The following MRPS5 variants were observed in gnomAD, a reference collection of about 807,000 sequenced individuals.
MRPS5 encodes the protein small ribosomal subunit protein uS5m.
In MRPS5, 27 loss-of-function variants were observed where a neutral mutation model predicts 51.9. The ratio of observed to expected loss-of-function variants is 0.52; its 90% CI spans 0.38 to 0.72. The LOEUF (loss-of-function observed/expected upper bound fraction) is 0.72, where lower values mean the gene tolerates loss of function less well. MRPS5 is among the 30% of genes least tolerant of loss of function. MRPS5 has a pLI of 0.00. For synonymous variants in MRPS5, 196 were observed against 193.2 expected, an observed-to-expected ratio of 1.01 and a Z score of -0.12; for missense variants, 570 against 545.7, an observed-to-expected ratio of 1.04 and a Z score of -0.44.
intron 5 of MRPS5, chr2:95,106,792 A>G (rs929707084): frequency 5.5e-6 from 2 of 363,958 alleles, no homozygotes; most frequent in Admixed American, 4.1e-5. Flanking sequence ...ACCACAGTCC[A>G]TCATTTCCAC....
intron 8 of MRPS5, 88 bp from the exon 9 acceptor site, chr2:95,100,982 T>C: frequency 8.5e-7 from 1 of 1,172,908 alleles, no homozygotes; most frequent in Middle Eastern, 2.2e-4. Flanking sequence ...AAATGTTTCA[T>C]TATCAAAAAT....
In MRPS5 at chr2:95,087,336, G is replaced by A. The variant is rs1675321097; in HGVS notation, c.*21C>T. The A allele has an allele frequency of 2.5e-6, 4 of 1,594,750 alleles. No homozygotes were observed. The highest frequency in any genetic ancestry group is 1.7e-5 in the Admixed American group (1 of 59,956). On this transcript the variant is annotated 3_prime_UTR_variant, in exon 12 of 12. Coordinates refer to ENST00000272418, the MANE Select transcript of MRPS5 (RefSeq NM_031902.5). The stretch of plus-strand genomic sequence containing the variant: ...CTAGGTGCAGGGCAGCACAGGAACT[G>A]GCTGCACAAGGCCAGAGAGGTTACG...
chr2:95,114,219 T>C (rs1287551227), intron 3 of MRPS5, among the ~76,000 whole-genome samples: 1 of 151,908 alleles, frequency 6.6e-6, no homozygotes, highest in African/African-American at 2.4e-5. Flanking sequence ...TTACCAAATA[T>C]TCTAAACTAA....
At chr2:95,116,355 G>C (rs1389503714) in intron 2 of MRPS5, among the ~76,000 whole-genome samples, 2 of 151,880 alleles carry the variant, frequency 1.3e-5, no homozygotes, top group African/African-American at 4.8e-5. Context: ...TTTAAAAAGT[G>C]TAAAATCATT....
intron 7 of MRPS5, 76 bp from the exon 8 acceptor site, chr2:95,101,799 T>A: frequency 1.0e-6 from 1 of 956,116 alleles, no homozygotes. Flanking sequence ...TTCAAGTTTC[T>A]GCTCCTACAA....
intron 7 of MRPS5, 53 bp from the exon 8 acceptor site, chr2:95,101,776 G>T: frequency 7.5e-7 from 1 of 1,329,010 alleles, no homozygotes; most frequent in Non-Finnish European, 1.0e-6. Context: ...TGCCCATGTG[G>T]TTTTTGCCAC....
At chr2:95,117,182 G>C (rs1345827520) in intron 2 of MRPS5, among the ~76,000 whole-genome samples, 2 of 150,686 alleles carry the variant, frequency 1.3e-5, no homozygotes, top group Non-Finnish European at 2.9e-5. Flanking sequence ...CTGACCTCAA[G>C]GAGGGTTTTG....
At chr2:95,089,985 G>A (rs923664939) in intron 11 of MRPS5, among the ~76,000 whole-genome samples, 5 of 151,414 alleles carry the variant, frequency 3.3e-5, no homozygotes, top group East Asian at 1.9e-4. Context: ...AGACCATCCC[G>A]GCTAAAACGG....
At chr2:95,113,224 C>T (rs1438444837) in intron 3 of MRPS5, among the ~76,000 whole-genome samples, 1 of 151,982 alleles carries the variant, frequency 6.6e-6, no homozygotes, top group Non-Finnish European at 1.5e-5. Context: ...CACCTGTAAT[C>T]CCAGCACTTT....
chr2:95,120,643 T>A (rs757514265), intron 1 of MRPS5, among the ~76,000 whole-genome samples: 2 of 152,208 alleles, frequency 1.3e-5, no homozygotes. Context: ...CCAGGTGATA[T>A]GGGTGCAAAA....
chr2:95,112,128 G>C (rs550603446), intron 3 of MRPS5, among the ~76,000 whole-genome samples: 1 of 151,940 alleles, frequency 6.6e-6, no homozygotes, highest in African/African-American at 2.4e-5. Flanking sequence ...GCAATGGCAC[G>C]ATCTCGGCTC....
At chr2:95,121,470 G>A (rs1052571913) in intron 1 of MRPS5, among the ~76,000 whole-genome samples, 1 of 152,234 alleles carries the variant, frequency 6.6e-6, no homozygotes, top group African/African-American at 2.4e-5. Context: ...CGCCAAGCAC[G>A]CTCAAGCGGT....
chr2:95,087,477 C>T lies in MRPS5; in HGVS notation c.1173G>A (p.Leu391=). The change falls in exon 12 of 12, where the codon TTG becomes TTA. Residue 391 remains leucine, a synonymous_variant. Coordinates refer to ENST00000272418, the MANE Select transcript of MRPS5 (RefSeq NM_031902.5). ...CATCTTCTGGCTCTGGATCCTTCCT[C>T]AAGGGCCCCCGGGGGGACGCAACCA... ...PIVVASPRGP[L]RKDPEPEDEV... is the part of the protein sequence containing the mutation. 6.2e-7 allele frequency: 1 copy of T among 1,614,198 alleles called. No individual in the cohort carries two copies. Among genetic ancestry groups the T allele is most frequent in the Non-Finnish European group, 8.5e-7 (1 of 1,180,028 alleles).
intron 7 of MRPS5, chr2:95,104,215 T>TA (rs1175552779): frequency 5.7e-6 from 1 of 176,444 alleles, no homozygotes; most frequent in Non-Finnish European, 1.2e-5. Flanking sequence ...TATATGGTCT[T>TA]ATATAACGTT....
intron 10 of MRPS5, among the ~76,000 whole-genome samples, chr2:95,099,297 T>C (rs1241925232): frequency 6.6e-5 from 10 of 152,010 alleles, no homozygotes; most frequent in African/African-American, 2.2e-4. Flanking sequence ...GTATCTAAAC[T>C]ATGCTGCCCA....
At position 95,104,218 on chromosome 2, in the gene MRPS5, A is replaced by G. The variant is rs575339950; in HGVS notation, c.763+422T>C. On this transcript the variant is annotated intron_variant, in intron 7 of 11. Transcript: ENST00000272418. ...AAACTAGGATTTTATATGGTCTTAT[A>G]TAACGTTTTTGTGTTTTTTTTTTTA... The G allele has an allele frequency of 2.7e-3, 483 of 175,754 alleles. 2 individuals are homozygous for G. The highest frequency in any genetic ancestry group is 5.6e-3 in the Middle Eastern group (2 of 356). The allele number at this position is 175,754 out of a possible 1,614,324, so 10.9% of individuals were successfully genotyped here.
chr2:95,093,277 A>G (rs997275059), intron 10 of MRPS5: 1 of 152,364 alleles, frequency 6.6e-6, no homozygotes, highest in African/African-American at 2.4e-5. Flanking sequence ...CTCTGTGCAC[A>G]GGGCATAGCT....
At position 95,090,469 on chromosome 2, in the gene MRPS5, T is replaced by A. The variant is rs770228344; in HGVS notation, c.985A>T (p.Ile329Phe). The change falls in exon 11 of 12, where the codon ATC (isoleucine) becomes TTC (phenylalanine). Residue 329 changes from isoleucine (I) to phenylalanine (F), a missense_variant. Physicochemically the swap from Ile to Phe is conservative, Grantham distance 21. Coordinates refer to ENST00000272418, the MANE Select transcript of MRPS5 (RefSeq NM_031902.5). ...AIITICRLIGIKDMYAKVSGS... is the reference protein window; with the variant it reads ...AIITICRLIGFKDMYAKVSGS... The stretch of plus-strand genomic sequence containing the variant: ...GAGACCTTGGCATACATGTCTTTGA[T>A]GCCAATGAGCCGGCAGATGGTGATG... 4 of 1,613,996 alleles carry A rather than the reference T, an allele frequency of 2.5e-6. No individual in the cohort carries two copies. In the African/African-American group the frequency reaches 4.0e-5, roughly 16 times the overall value.
intron 7 of MRPS5, among the ~76,000 whole-genome samples, chr2:95,102,687 T>C (rs1267682369): frequency 1.3e-5 from 2 of 151,892 alleles, no homozygotes; most frequent in African/African-American, 4.8e-5. Flanking sequence ...ATCAGAAAGG[T>C]TGGGAAAAAA....
Sources: allele counts gnomAD v4.1 joint callset (sites outside exome capture counted in the v4.1 genomes callset), GRCh38; gene constraint gnomAD v4.1.1; transcripts MANE v1.5; gene names NCBI Gene and HGNC (gene_info 2026-07-23, HGNC 2026-07-21).